The following SLC2A11 variants were observed in gnomAD, a reference collection of about 807,000 sequenced individuals.
SLC2A11 encodes solute carrier family 2, facilitated glucose transporter member 11.
In SLC2A11, 43 loss-of-function variants were observed where a neutral mutation model predicts 52.1. The observed-to-expected ratio is 0.82, with a 90% CI of 0.65 to 1.06. SLC2A11 has a LOEUF of 1.06. Ranked by LOEUF, SLC2A11 falls within the 50% of genes least tolerant of loss-of-function variation. SLC2A11 has a pLI of 0.00. For missense variants in SLC2A11, 582 were observed against 654.2 expected (o/e 0.89, Z 1.20); for synonymous variants, 261 against 277.6 (o/e 0.94, Z 0.59).
At chr22:23,874,757 T>G (rs557833755) in intron 3 of SLC2A11, among the ~76,000 whole-genome samples, 327 of 152,164 alleles carry the variant, frequency 2.1e-3, no homozygotes, top group African/African-American at 7.6e-3. Context: ...CAGCCTAATT[T>G]TTTTTGTATT....
rs2032574834 is a variant in SLC2A11, at chr22:23,875,117, G to A, written c.291G>A (p.Arg97=). 6 of 1,576,718 alleles carry A rather than the reference G, an allele frequency of 3.8e-6. No homozygotes were observed. The African/African-American group carries it at 8.1e-5, about 21-fold the overall frequency. ...TTCTGTGTGTTTCACTTCCCCCAAG[G>A]AAGAAGTCCCTCCTGGTGAATAACA... ...LAGPLAITLG[R]KKSLLVNNIF... The change falls in exon 4 of 12, where the codon AGG becomes AGA. Residue 97 remains arginine, a splice_region_variant and synonymous_variant. Transcript: ENST00000316185.
At chr22:23,865,440 C>G (rs933969908) in intron 2 of SLC2A11, 6 of 152,244 alleles carry the variant, frequency 3.9e-5, no homozygotes, top group Non-Finnish European at 4.4e-5. Flanking sequence ...AAAAACTATT[C>G]AATGACACTT....
At position 23,884,525 on chromosome 22, in the gene SLC2A11, C is replaced by A; in HGVS notation, c.1299+96C>A. On this transcript the variant is annotated intron_variant, in intron 11 of 11. Coordinates refer to ENST00000316185, the MANE Select transcript of SLC2A11 (RefSeq NM_001024939.4). The surrounding 1 kb of genome is among the most constrained non-coding windows in gnomAD (Gnocchi z 4.3). Reference sequence around the variant, plus strand: ...AGGCTTCCATCCAGGGAGACTGAGACTGAAAGGGAGGGGTCTTAGGGGAGC... The same window carrying A: ...AGGCTTCCATCCAGGGAGACTGAGAATGAAAGGGAGGGGTCTTAGGGGAGC... 6.4e-7 allele frequency: 1 copy of A among 1,557,240 alleles called. No homozygotes were observed. The highest frequency in any genetic ancestry group is 8.7e-7 in the Non-Finnish European group (1 of 1,149,724).
chr22:23,859,546 G>A (rs930050164), intron 1 of SLC2A11, among the ~76,000 whole-genome samples: 4 of 152,060 alleles, frequency 2.6e-5, no homozygotes, highest in Admixed American at 2.0e-4. Context: ...GGAGGGCAGT[G>A]GCGCGATCTG....
Position 23,884,626 on chromosome 22 carries a change from T to A in SLC2A11, c.1300-23T>A. 1 of 1,605,048 alleles carries A rather than the reference T, an allele frequency of 6.2e-7. No individual in the cohort carries two copies. The highest frequency in any genetic ancestry group is 2.2e-5 in the East Asian group (1 of 44,830). ...GGGGTTGATGGAGACACACCAGGTC[T>A]TGGGGTCTTTTTTAATCCGCAGGAG... On this transcript the variant is annotated intron_variant, in intron 11 of 11. Transcript: ENST00000316185. This position sits in a 1 kb window ranked among gnomAD's most constrained non-coding sequence, Gnocchi z 4.3.
At chr22:23,869,985 A>G in intron 3 of SLC2A11, 1 of 717,516 alleles carries the variant, frequency 1.4e-6, no homozygotes, top group East Asian at 2.7e-5. Flanking sequence ...TGGAGTTCTC[A>G]TGGCCTAATC....
upstream of SLC2A11, chr22:23,857,130 C>T: frequency 1.6e-6 from 2 of 1,232,352 alleles, no homozygotes; most frequent in South Asian, 1.4e-5. Context: ...AGGGCTTGGC[C>T]CTCCGGAGAA....
intron 1 of SLC2A11, 162 bp downstream of exon 1, chr22:23,858,191 G>T (rs1381634945): frequency 7.1e-6 from 8 of 1,128,858 alleles, no homozygotes; most frequent in Non-Finnish European, 9.2e-6. Flanking sequence ...AGGCTCAGAT[G>T]TGCATAGGCA....
At position 23,862,130 on chromosome 22, in the gene SLC2A11, C is replaced by G; in HGVS notation, c.57C>G (p.Thr19=). The part of the protein sequence containing the change: ...RMIQGRILLL[T]ICAAGIGGTF... ...TTCAGGGCAGGATCCTGCTCCTGACCATCTGCGCTGCCGGCATTGGTGGGA... is the reference window on the plus strand; with the variant it reads ...TTCAGGGCAGGATCCTGCTCCTGACGATCTGCGCTGCCGGCATTGGTGGGA... Residue 19 remains threonine (T), a synonymous_variant, in exon 2 of 12, where the codon ACC becomes ACG. Coordinates refer to ENST00000316185, the MANE Select transcript of SLC2A11 (RefSeq NM_001024939.4). 1.9e-6 allele frequency: 3 copies of G among 1,614,212 alleles called. No individual in the cohort carries two copies. The highest frequency in any genetic ancestry group is 2.5e-6 in the Non-Finnish European group (3 of 1,180,038).
At chr22:23,857,745 C>A, upstream of SLC2A11, 1 of 1,327,992 alleles carries the variant, frequency 7.5e-7, no homozygotes, top group Non-Finnish European at 1.0e-6. Context: ...AGGCCTTAGT[C>A]CCGGCCATCG....
Position 23,884,057 on chromosome 22 carries a change from C to T in SLC2A11, c.1171+33C>T. 6.2e-7 allele frequency: 1 copy of T among 1,601,754 alleles called. No individual in the cohort carries two copies. The highest frequency in any genetic ancestry group is 8.5e-7 in the Non-Finnish European group (1 of 1,176,210). On this transcript the variant is annotated intron_variant, in intron 10 of 11. Transcript: ENST00000316185. The surrounding 1 kb of genome is among the most constrained non-coding windows in gnomAD (Gnocchi z 4.3). ...GGCCCAAGGGGCTCTGGGCATCCAT[C>T]ATCACATAGAAGGAGTGATGGGTGC... is the stretch of plus-strand genomic sequence containing the variant.
chr22:23,868,261 C>A, intron 2 of SLC2A11: 1 of 576,586 alleles, frequency 1.7e-6, no homozygotes, highest in Non-Finnish European at 3.1e-6. Context: ...CAGTGCTAGG[C>A]TCTGAGAGAT....
At chr22:23,863,727 A>G (rs1186032909) in intron 2 of SLC2A11, among the ~76,000 whole-genome samples, 2 of 149,562 alleles carry the variant, frequency 1.3e-5, no homozygotes, top group Non-Finnish European at 2.9e-5. Context: ...TCAGGCGCTC[A>G]AGCGATCCTC....
intron 3 of SLC2A11, chr22:23,872,324 G>A (rs2032482606): frequency 7.0e-6 from 1 of 142,698 alleles, no homozygotes; most frequent in African/African-American, 2.7e-5. Flanking sequence ...AAGCCTAGGT[G>A]ACATAGTGAG....
At chr22:23,863,608 GTTTTTTTTTTTTTT>G (rs71184923) in intron 2 of SLC2A11, among the ~76,000 whole-genome samples, 22 of 86,804 alleles carry the variant, frequency 2.5e-4, no homozygotes, top group Non-Finnish European at 4.4e-4. Context: ...TCTCTCTCTG[GTTTTTTTTTTTTTT>G]TTTTTTTTTT....
chr22:23,877,394 CA>C (rs1474117339), intron 5 of SLC2A11: 1 of 847,648 alleles, frequency 1.2e-6, no homozygotes, highest in Non-Finnish European at 2.0e-6. Context: ...GGTCAGGGAG[CA>C]AAGAACAGGT....
chr22:23,863,919 C>T (rs1279511205), intron 2 of SLC2A11, among the ~76,000 whole-genome samples: 1 of 152,106 alleles, frequency 6.6e-6, no homozygotes, highest in African/African-American at 2.4e-5. Flanking sequence ...GCATGAGCCA[C>T]CGTGCCCAGC....
Position 23,885,072 on chromosome 22 carries a change from G to A in SLC2A11, c.*223G>A, listed in dbSNP as rs2032958635. The stretch of plus-strand genomic sequence containing the variant: ...AAAATCAGTAACAACATAATTACAG[G>A]CTGGTTGTGGCAGCTCATGACTGTA... On this transcript the variant is annotated 3_prime_UTR_variant, in exon 12 of 12. Coordinates refer to ENST00000316185, the MANE Select transcript of SLC2A11 (RefSeq NM_001024939.4). 2 of 563,428 alleles carry A rather than the reference G, an allele frequency of 3.5e-6. No homozygotes were observed. The highest frequency in any genetic ancestry group is 3.8e-5 in the African/African-American group (2 of 52,646). The allele number at this position is 563,428 out of a possible 1,614,324, so 34.9% of individuals were successfully genotyped here.
rs144757871 is a variant in SLC2A11, at chr22:23,868,556, A to G, written c.205A>G (p.Met69Val). Residue 69 changes from methionine (M) to valine (V), a missense_variant, in exon 3 of 12, where the codon ATG (methionine) becomes GTG (valine). Coordinates refer to ENST00000316185, the MANE Select transcript of SLC2A11 (RefSeq NM_001024939.4). ...EPLPDHLVLLMWSLIVSLYPL... is the reference protein window; with the variant it reads ...EPLPDHLVLLVWSLIVSLYPL... ...ACTGCCCGATCACCTAGTCCTGCTTATGTGGTCCCTCATCGTGTCTCTGTA... is the reference window on the plus strand; with the variant it reads ...ACTGCCCGATCACCTAGTCCTGCTTGTGTGGTCCCTCATCGTGTCTCTGTA... 1.0e-3 allele frequency: 1,607 copies of G among 1,614,052 alleles called. 2 individuals carry two copies. Among genetic ancestry groups the G allele is most frequent in the Non-Finnish European group, 1.3e-3 (1,563 of 1,180,034 alleles).
Sources: allele counts gnomAD v4.1 joint callset (sites outside exome capture counted in the v4.1 genomes callset), GRCh38; gene constraint gnomAD v4.1.1; non-coding constraint Gnocchi (gnomAD v3.1); transcripts MANE v1.5; gene names NCBI Gene and HGNC (gene_info 2026-07-23, HGNC 2026-07-21).